Variants in METTL15 observed in about 807,000 individuals in gnomAD.
METTL15 encodes 12S rRNA N(4)-cytidine methyltransferase METTL15.
METTL15 carries 34 observed loss-of-function variants against 38.3 expected under a neutral mutation model. That is an observed-to-expected ratio of 0.89 (90% CI 0.68 to 1.18). METTL15 has a LOEUF of 1.18. METTL15 is among the 50% of genes most tolerant of loss of function. METTL15 has a pLI of 0.00. For missense variants in METTL15, 438 were observed against 498.4 expected (o/e 0.88, Z 1.15); for synonymous variants, 162 against 170.9 (o/e 0.95, Z 0.41).
At chr11:28,508,174 T>C (rs1465410915) in intron 6 of METTL15, among the ~76,000 whole-genome samples, 1 of 152,286 alleles carries the variant, frequency 6.6e-6, no homozygotes, top group East Asian at 1.9e-4. Flanking sequence ...CAGTCCCTCT[T>C]CAGTCCTTAT....
chr11:28,396,323 A>G (rs1850568374), intron 5 of METTL15, among the ~76,000 whole-genome samples: 1 of 152,190 alleles, frequency 6.6e-6, no homozygotes, highest in African/African-American at 2.4e-5. Flanking sequence ...TGCAGATGAC[A>G]TAATTGTATA....
At chr11:28,212,477 A>G (rs1852683748) in intron 4 of METTL15, among the ~76,000 whole-genome samples, 1 of 152,150 alleles carries the variant, frequency 6.6e-6, no homozygotes, top group Non-Finnish European at 1.5e-5. Flanking sequence ...TTCATGAAGT[A>G]TAGGCCTCTT....
In METTL15 at chr11:28,211,166, T is replaced by G; in HGVS notation, c.375T>G (p.Tyr125Ter). Residue 125 changes from tyrosine (Y) to a stop codon, truncating the protein, a stop_gained, in exon 4 of 7, where the codon TAT becomes TAG. Transcript: ENST00000407364. LOFTEE classifies it high-confidence loss of function. ...LYALDRDPTA[Y>*]ALAEHLSELY... Reference sequence around the variant, plus strand: ...CCTTGGACAGAGACCCAACAGCTTATGCATTAGCTGAACATCTTTCAGAGT... The same window carrying G: ...CCTTGGACAGAGACCCAACAGCTTAGGCATTAGCTGAACATCTTTCAGAGT... 1 of 1,611,266 alleles carries G rather than the reference T, an allele frequency of 6.2e-7. No homozygotes were observed. Among genetic ancestry groups the G allele is most frequent in the Non-Finnish European group, 8.5e-7 (1 of 1,178,740 alleles).
intron 6 of METTL15, among the ~76,000 whole-genome samples, chr11:28,438,279 T>C (rs1192372896): frequency 6.6e-6 from 1 of 152,208 alleles, no homozygotes; most frequent in Non-Finnish European, 1.5e-5. Context: ...ATTTATAAAG[T>C]GAACTATTTC....
chr11:28,532,127 T>C, the METTL15 span, among the ~76,000 whole-genome samples: 1 of 152,132 alleles, frequency 6.6e-6, no homozygotes, highest in African/African-American at 2.4e-5. Flanking sequence ...CATCCATTTG[T>C]TGGATGAAAC....
chr11:28,409,525 C>T lies in METTL15; in HGVS notation c.*359-14774C>T, dbSNP rs1011205213. ...GGAAATTAAGCAACATGCTCCTGAACAACAAATGGATCAAAGCAGGACCCA... is the reference window on the plus strand; with the variant it reads ...GGAAATTAAGCAACATGCTCCTGAATAACAAATGGATCAAAGCAGGACCCA... On this transcript the variant is annotated intron_variant and NMD_transcript_variant, in intron 5 of 7. Transcript: ENST00000532947. Among the ~76,000 whole-genome samples, 3 of 149,752 alleles carry T rather than the reference C, an allele frequency of 2.0e-5. No homozygotes were observed. The East Asian group carries it at 5.9e-4, about 30-fold the overall frequency.
chr11:28,313,693 T>C (rs1032074055), intron 6 of METTL15, among the ~76,000 whole-genome samples: 1 of 152,046 alleles, frequency 6.6e-6, no homozygotes, highest in Non-Finnish European at 1.5e-5. Context: ...TTACTTACTA[T>C]TTTATTATAT....
At chr11:28,276,385 A>C (rs890382946) in intron 4 of METTL15, among the ~76,000 whole-genome samples, 3 of 152,122 alleles carry the variant, frequency 2.0e-5, no homozygotes, top group Non-Finnish European at 4.4e-5. Context: ...AAATTTAACC[A>C]AGGAGCGGAA....
At chr11:28,304,816 T>C (rs1857026562) in intron 6 of METTL15, among the ~76,000 whole-genome samples, 1 of 152,182 alleles carries the variant, frequency 6.6e-6, no homozygotes, top group Admixed American at 6.6e-5. Flanking sequence ...GACATCCTTT[T>C]ATTGTTTAAT....
At chr11:28,169,285 A>T (rs979062263) in intron 3 of METTL15, among the ~76,000 whole-genome samples, 1 of 152,218 alleles carries the variant, frequency 6.6e-6, no homozygotes, top group African/African-American at 2.4e-5. Flanking sequence ...CGTGGCTGTT[A>T]TAAGTACTTT....
At chr11:28,316,743 T>G (rs541089280) in intron 6 of METTL15, among the ~76,000 whole-genome samples, 2 of 152,286 alleles carry the variant, frequency 1.3e-5, no homozygotes, top group East Asian at 3.9e-4. Context: ...CTTTCCCGTT[T>G]GTTCTCCTGA....
At chr11:28,413,662 G>A (rs575351123) in intron 5 of METTL15, among the ~76,000 whole-genome samples, 2 of 152,214 alleles carry the variant, frequency 1.3e-5, no homozygotes, top group East Asian at 3.9e-4. Flanking sequence ...AGGAATAGGA[G>A]GCAATGTCTC....
At chr11:28,405,630 A>G (rs1850667163) in intron 5 of METTL15, among the ~76,000 whole-genome samples, 1 of 152,172 alleles carries the variant, frequency 6.6e-6, no homozygotes, top group Non-Finnish European at 1.5e-5. Flanking sequence ...GTAAAATGTA[A>G]TAGCAACAAA....
chr11:28,416,013 C>T (rs1169733956), intron 5 of METTL15, among the ~76,000 whole-genome samples: 3 of 152,262 alleles, frequency 2.0e-5, no homozygotes, highest in Middle Eastern at 3.4e-3. Context: ...ATCTTCAAAT[C>T]GTTAAATAAA....
chr11:28,259,059 T>C (rs889306060), intron 4 of METTL15, among the ~76,000 whole-genome samples: 6 of 152,060 alleles, frequency 3.9e-5, no homozygotes, highest in Non-Finnish European at 7.4e-5. Flanking sequence ...CACTGCTTGT[T>C]ATTCAGGGAC....
chr11:28,228,313 G>T (rs1288205394), intron 4 of METTL15, among the ~76,000 whole-genome samples: 1 of 150,994 alleles, frequency 6.6e-6, no homozygotes, highest in Non-Finnish European at 1.5e-5. Context: ...TTTAACTTCA[G>T]CTCTGCTATT....
At chr11:28,310,914 C>CTGCTGCTGGTGGTGGTGGTGGTGG (rs1296842131) in intron 6 of METTL15, among the ~76,000 whole-genome samples, 1 of 110,084 alleles carries the variant, frequency 9.1e-6, no homozygotes, top group Non-Finnish European at 1.9e-5. Flanking sequence ...GCTGCTGCTG[C>CTGCTGCTGGTGGTGGTGGTGGTGG]TGGTGGTGGT....
At position 28,326,287 on chromosome 11, in the gene METTL15, G is replaced by GT. The variant is rs529338315; in HGVS notation, c.779-4097dup. On this transcript the variant is annotated intron_variant, in intron 6 of 6. Transcript: ENST00000407364. The stretch of plus-strand genomic sequence containing the variant: ...ATAAGAGTAGGCATTGAATCTGTTA[G>GT]TTTTTTTTTTTTATCTTGTGTTCTT... 3.1e-3 allele frequency among the ~76,000 whole-genome samples: 450 copies of GT among 146,032 alleles called. 1 individual carries two copies. The highest frequency in any genetic ancestry group is 5.8e-3 in the African/African-American group (233 of 40,164).
chr11:28,371,593 A>T (rs574287709), intron 5 of METTL15, among the ~76,000 whole-genome samples: 44 of 152,000 alleles, frequency 2.9e-4, no homozygotes, highest in Non-Finnish European at 4.4e-4. Context: ...AAGATATTGC[A>T]TTGAATCTGT....
Sources: allele counts gnomAD v4.1 joint callset (sites outside exome capture counted in the v4.1 genomes callset), GRCh38; gene constraint gnomAD v4.1.1; transcripts MANE v1.5; gene names NCBI Gene and HGNC (gene_info 2026-07-23, HGNC 2026-07-21).